Variants in FILIP1 observed in about 807,000 individuals in gnomAD.
FILIP1 encodes the protein filamin A interacting protein 1.
A neutral mutation model predicts 102.1 loss-of-function variants in FILIP1; 61 were observed. The ratio of observed to expected loss-of-function variants is 0.60; its 90% CI spans 0.49 to 0.74. FILIP1 has a LOEUF of 0.74. Among genes scored for constraint, FILIP1 ranks in the 30% least tolerant of loss-of-function variants. FILIP1 has a pLI of 0.00. For missense variants in FILIP1, 1,314 were observed against 1,441.2 expected (o/e 0.91, Z 1.43); for synonymous variants, 491 against 526.9 (o/e 0.93, Z 0.93).
intron 1 of FILIP1, among the ~76,000 whole-genome samples, chr6:75,464,711 A>T (rs1779115168): frequency 6.6e-6 from 1 of 152,156 alleles, no homozygotes; most frequent in South Asian, 2.1e-4. Flanking sequence ...CCAGCAACTC[A>T]TTCAACTCTT....
In FILIP1 at chr6:75,313,539, T is replaced by G; in HGVS notation, c.2293A>C (p.Met765Leu). 6.2e-7 allele frequency: 1 copy of G among 1,614,222 alleles called. No individual in the cohort carries two copies. Among genetic ancestry groups the G allele is most frequent in the Non-Finnish European group, 8.5e-7 (1 of 1,180,048 alleles). ...FMEEENKNKN[M>L]GQEVLNLTKE... ...GTCAGATTGAGAACCTCCTGCCCCA[T>G]GTTTTTGTTCTTATTTTCTTCTTCC... The change falls in exon 5 of 6, where the codon ATG becomes CTG. Residue 765 changes from methionine to leucine, a missense_variant. Met to Leu is a conservative substitution (Grantham distance 15). Around this residue, in one of 3 missense-constraint regions of FILIP1, gnomAD observed 816 missense variants for 913.1 expected, o/e 0.89. Transcript: ENST00000237172. The surrounding 1 kb of genome is among the most constrained non-coding windows in gnomAD (Gnocchi z 4.2).
At chr6:75,304,451 A>G (rs1772926070), downstream of FILIP1, among the ~76,000 whole-genome samples, 1 of 152,152 alleles carries the variant, frequency 6.6e-6, no homozygotes, top group Non-Finnish European at 1.5e-5. Flanking sequence ...CCTGAGCTCT[A>G]GTCATTCACC....
intron 6 of FILIP1, chr6:75,296,384 G>GTGT (rs1772676312): frequency 5.9e-5 from 7 of 118,808 alleles, no homozygotes; most frequent in Admixed American, 1.7e-4. Flanking sequence ...TGTGTGTGTG[G>GTGT]ATTAGAGTTT....
rs1249039603 is a variant in FILIP1 at position 75,330,715 on chromosome 6, A to G, written c.630-15513T>C. Among the ~76,000 whole-genome samples the G allele has an allele frequency of 2.6e-5, 4 of 152,340 alleles. No homozygotes were observed. In the East Asian group the frequency reaches 7.7e-4, roughly 29 times the overall value. On this transcript the variant is annotated intron_variant, in intron 4 of 5. Coordinates refer to ENST00000237172, the MANE Select transcript of FILIP1 (RefSeq NM_015687.5). Reference sequence around the variant, plus strand: ...TACATTTCCTTTGCTAGTATAATTCAAGTAATTCAAATGGCAAACATACAA... The same window carrying G: ...TACATTTCCTTTGCTAGTATAATTCGAGTAATTCAAATGGCAAACATACAA...
At chr6:75,305,686 G>A (rs1772965696), downstream of FILIP1, among the ~76,000 whole-genome samples, 1 of 152,184 alleles carries the variant, frequency 6.6e-6, no homozygotes, top group South Asian at 2.1e-4. Flanking sequence ...CACCACCATA[G>A]TGTGCTGAAA....
chr6:75,417,492 C>T (rs1777306556), intron 1 of FILIP1, among the ~76,000 whole-genome samples: 3 of 152,110 alleles, frequency 2.0e-5, no homozygotes, highest in South Asian at 4.1e-4. Flanking sequence ...CTTTAAAATG[C>T]TTTATTCTAT....
At chr6:75,463,230 C>G (rs1195742656) in intron 1 of FILIP1, among the ~76,000 whole-genome samples, 1 of 152,172 alleles carries the variant, frequency 6.6e-6, no homozygotes, top group African/African-American at 2.4e-5. Context: ...CCCCATACCC[C>G]CCTTTCCCTA....
chr6:75,421,712 T>C (rs1467397931), intron 1 of FILIP1, among the ~76,000 whole-genome samples: 1 of 152,218 alleles, frequency 6.6e-6, no homozygotes, highest in African/African-American at 2.4e-5. Flanking sequence ...AGCGTGGTTC[T>C]TGAATGGCTC....
chr6:75,380,803 T>C (rs1775885839), intron 2 of FILIP1, among the ~76,000 whole-genome samples: 1 of 152,178 alleles, frequency 6.6e-6, no homozygotes, highest in Non-Finnish European at 1.5e-5. Context: ...ATTATAAATA[T>C]TTAAAGTTGC....
At position 75,313,952 on chromosome 6, in the gene FILIP1, T is replaced by G; in HGVS notation, c.1880A>C (p.Asn627Thr). 6.2e-7 allele frequency: 1 copy of G among 1,609,590 alleles called. No individual in the cohort carries two copies. The highest frequency in any genetic ancestry group is 8.5e-7 in the Non-Finnish European group (1 of 1,178,378). The change falls in exon 5 of 6, where the codon AAT becomes ACT. Residue 627 changes from asparagine (N) to threonine (T), a missense_variant. Physicochemically the swap from Asn to Thr is moderately conservative, Grantham distance 65 (BLOSUM62 0). Around this residue, in one of 3 missense-constraint regions of FILIP1, gnomAD observed 816 missense variants for 913.1 expected, o/e 0.89. Transcript: ENST00000237172. This position sits in a 1 kb window ranked among gnomAD's most constrained non-coding sequence, Gnocchi z 4.2. ...TTCAAGTGTTAGTTCCTTAATCTTA[T>G]TATCTTCCGGGCAGGTGAGCTCAGA... ...KGSELTCPED[N>T]KIKELTLEIE...
In FILIP1 at chr6:75,478,034, G is replaced by T. The variant is rs74910351; in HGVS notation, c.-7+15380C>A. On this transcript the variant is annotated intron_variant, in intron 1 of 5. Transcript: ENST00000237172. ...TTAACAGAATTAAATATGATGCTTG[G>T]ACTCACTTCTCTTTACCTGTGGGTA... Among the ~76,000 whole-genome samples, 1,342 of 152,250 alleles carry T rather than the reference G, an allele frequency of 8.8e-3. 45 individuals are homozygous for T. In the East Asian group the frequency reaches 0.12, roughly 14 times the overall value.
intron 1 of FILIP1, among the ~76,000 whole-genome samples, chr6:75,461,264 G>A (rs1422347112): frequency 2.0e-5 from 3 of 152,122 alleles, no homozygotes; most frequent in African/African-American, 7.2e-5. Flanking sequence ...TACAAACAAG[G>A]AATCCAAGGC....
At chr6:75,300,141 T>C (rs1023326366) in intron 6 of FILIP1, among the ~76,000 whole-genome samples, 1 of 152,260 alleles carries the variant, frequency 6.6e-6, no homozygotes, top group South Asian at 2.1e-4. Flanking sequence ...AAAACATTCT[T>C]CTCTAGCAAA....
At chr6:75,471,018 G>A (rs1779309380) in intron 1 of FILIP1, among the ~76,000 whole-genome samples, 1 of 151,846 alleles carries the variant, frequency 6.6e-6, no homozygotes, top group African/African-American at 2.4e-5. Context: ...AAATTAGCCA[G>A]GAATAGTGGT....
At chr6:75,484,380 A>G (rs1396877649) in intron 1 of FILIP1, among the ~76,000 whole-genome samples, 1 of 151,524 alleles carries the variant, frequency 6.6e-6, no homozygotes, top group Non-Finnish European at 1.5e-5. Context: ...GGTGGCACTC[A>G]TCATTTGAAA....
At chr6:75,429,664 A>G (rs1184724605) in intron 1 of FILIP1, among the ~76,000 whole-genome samples, 1 of 152,192 alleles carries the variant, frequency 6.6e-6, no homozygotes, top group Non-Finnish European at 1.5e-5. Context: ...GCAGCTCAGG[A>G]GCAGAACAGT....
intron 1 of FILIP1, among the ~76,000 whole-genome samples, chr6:75,433,164 A>G (rs1562591993): frequency 6.6e-6 from 1 of 152,242 alleles, no homozygotes; most frequent in African/African-American, 2.4e-5. Context: ...TTATAGCAGC[A>G]TGATTTATAA....
intron 2 of FILIP1, chr6:75,384,670 A>G (rs1776022569): frequency 6.6e-6 from 1 of 152,154 alleles, no homozygotes; most frequent in African/African-American, 2.4e-5. Context: ...ATGAAATAGC[A>G]TTGGGAAGTC....
At chr6:75,317,430 T>A (rs552198295) in intron 4 of FILIP1, among the ~76,000 whole-genome samples, 2 of 152,360 alleles carry the variant, frequency 1.3e-5, no homozygotes, top group South Asian at 4.1e-4. Context: ...AATACATGAA[T>A]GTAATAAAGC....
Sources: allele counts gnomAD v4.1 joint callset (sites outside exome capture counted in the v4.1 genomes callset), GRCh38; gene constraint gnomAD v4.1.1; regional missense constraint gnomAD v4.1.1; non-coding constraint Gnocchi (gnomAD v3.1); transcripts MANE v1.5; gene names NCBI Gene and HGNC (gene_info 2026-07-23, HGNC 2026-07-21).